Variants in PCDHGB6 observed in about 807,000 individuals in gnomAD.
The protein encoded by PCDHGB6 is protocadherin gamma-B6.
In PCDHGB6, 51 loss-of-function variants were observed where a neutral mutation model predicts 59.1. The ratio of observed to expected loss-of-function variants is 0.86; its 90% CI spans 0.69 to 1.09. The LOEUF is 1.09. PCDHGB6 is among the 50% of genes least tolerant of loss of function. The pLI, the probability that PCDHGB6 is intolerant of heterozygous loss-of-function variation, is 0.00. For missense variants in PCDHGB6, 1,148 were observed against 1,205.1 expected (o/e 0.95, Z 0.70); for synonymous variants, 466 against 495.1 (o/e 0.94, Z 0.78).
At chr5:141,463,738 G>A (rs1002263384) in intron 1 of PCDHGB6, among the ~76,000 whole-genome samples, 4 of 151,978 alleles carry the variant, frequency 2.6e-5, no homozygotes, top group Admixed American at 2.6e-4. Flanking sequence ...GAGCCACCGC[G>A]CCCGGCCTGC....
intron 1 of PCDHGB6, among the ~76,000 whole-genome samples, chr5:141,482,104 AAT>A (rs1452930297): frequency 2.7e-5 from 4 of 150,286 alleles, no homozygotes; most frequent in Non-Finnish European, 5.9e-5. Context: ...AAAAAAAAAA[AAT>A]ATCTAGAGAT....
intron 1 of PCDHGB6, among the ~76,000 whole-genome samples, chr5:141,462,361 T>C (rs1354253099): frequency 6.6e-6 from 1 of 152,282 alleles, no homozygotes; most frequent in Non-Finnish European, 1.5e-5. Flanking sequence ...ATACATTGTA[T>C]AGTTTCTATT....
chr5:141,410,485 A>C lies in PCDHGB6; in HGVS notation c.2283A>C (p.Thr761=), dbSNP rs1277289074. 6.2e-7 allele frequency: 1 copy of C among 1,613,898 alleles called. No homozygotes were observed. The highest frequency in any genetic ancestry group is 1.7e-5 in the Admixed American group (1 of 60,010). Residue 761 remains threonine (T), a synonymous_variant, in exon 1 of 4, where the codon ACA becomes ACC. Coordinates refer to ENST00000520790, the MANE Select transcript of PCDHGB6 (RefSeq NM_018926.3). ...SYNLCIAHTG[T]KEFNFLKCSV... Reference sequence around the variant, plus strand: ...ATCTGTGCATTGCACATACGGGTACAAAAGAGTTTAATTTCCTAAAATGCA... The same window carrying C: ...ATCTGTGCATTGCACATACGGGTACCAAAGAGTTTAATTTCCTAAAATGCA...
At chr5:141,498,530 A>G (rs1275299749) in intron 2 of PCDHGB6, among the ~76,000 whole-genome samples, 1 of 149,364 alleles carries the variant, frequency 6.7e-6, no homozygotes, top group Non-Finnish European at 1.5e-5. Flanking sequence ...ACTGCCCTCC[A>G]GCCTGGTCTG....
At chr5:141,470,016 C>G (rs116065751) in intron 1 of PCDHGB6, among the ~76,000 whole-genome samples, 1 of 152,146 alleles carries the variant, frequency 6.6e-6, no homozygotes, top group Non-Finnish European at 1.5e-5. Context: ...GTAATCCCAG[C>G]TACTCGGGAT....
At chr5:141,509,015 C>G (rs1370464396) in intron 3 of PCDHGB6, among the ~76,000 whole-genome samples, 2 of 152,098 alleles carry the variant, frequency 1.3e-5, no homozygotes, top group African/African-American at 4.8e-5. Context: ...AAGTGGGCAG[C>G]TGCTCCCTCC....
rs752155536 is a variant in PCDHGB6, at chr5:141,477,181, C to T, written c.2419-17626C>T. The T allele has an allele frequency of 2.5e-6, 4 of 1,614,182 alleles. No individual in the cohort carries two copies. In the Admixed American group the frequency reaches 6.7e-5, roughly 27 times the overall value. ...ACAACGCCCCGGAGATCACAGTCACCTCCGTGTACAGCCCAGTACCCGAGG... is the reference window on the plus strand; with the variant it reads ...ACAACGCCCCGGAGATCACAGTCACTTCCGTGTACAGCCCAGTACCCGAGG... On this transcript the variant is annotated intron_variant, in intron 1 of 3. Transcript: ENST00000520790. This position sits in a 1 kb window ranked among gnomAD's most constrained non-coding sequence, Gnocchi z 4.9.
At chr5:141,455,225 C>CA (rs2098817003) in intron 1 of PCDHGB6, among the ~76,000 whole-genome samples, 2 of 151,666 alleles carry the variant, frequency 1.3e-5, no homozygotes, top group South Asian at 2.1e-4. Context: ...AATGCTTTGA[C>CA]AAAAAATGTT....
intron 2 of PCDHGB6, among the ~76,000 whole-genome samples, chr5:141,502,576 T>C (rs1226513508): frequency 6.6e-6 from 1 of 152,168 alleles, no homozygotes; most frequent in African/African-American, 2.4e-5. Flanking sequence ...ATTATAAAAA[T>C]ATATTTTTAT....
intron 3 of PCDHGB6, 110 bp downstream of exon 3, chr5:141,505,591 G>A (rs2099846959): frequency 6.4e-7 from 1 of 1,570,162 alleles, no homozygotes; most frequent in Non-Finnish European, 8.7e-7. Context: ...AGTTTCTCCA[G>A]ATCTTTCGGC....
At chr5:141,482,755 T>TGAAGTGGGAG (rs1554165462) in intron 1 of PCDHGB6, among the ~76,000 whole-genome samples, 1 of 143,580 alleles carries the variant, frequency 7.0e-6, no homozygotes, top group South Asian at 2.1e-4. Context: ...GGGATTATGG[T>TGAAGTGGGAG]ATTTCATTAT....
At chr5:141,449,588 CA>C (rs768743917) in intron 1 of PCDHGB6, among the ~76,000 whole-genome samples, 1,277 of 57,494 alleles carry the variant, frequency 0.022, 7 homozygotes, top group Middle Eastern at 0.041. Flanking sequence ...GACTCTGTCT[CA>C]AAAAAAAAAA....
intron 1 of PCDHGB6, among the ~76,000 whole-genome samples, chr5:141,434,490 G>A (rs566645029): frequency 2.5e-4 from 38 of 152,274 alleles, no homozygotes; most frequent in Non-Finnish European, 4.9e-4. Flanking sequence ...CACCTGGCCC[G>A]CCCAGGGCAG....
At position 141,511,399 on chromosome 5, in the gene PCDHGB6, A is replaced by C; in HGVS notation, c.*226A>C. 1.0e-6 allele frequency: 1 copy of C among 987,714 alleles called. No homozygotes were observed. The highest frequency in any genetic ancestry group is 1.4e-6 in the Non-Finnish European group (1 of 693,342). The allele number at this position is 987,714 out of a possible 1,614,324, so 61.2% of individuals were successfully genotyped here. ...CAGTTCCGCTGGGAACCCCCATCCA[A>C]TCAACTGCTGTACCCATGGGGGTAG... On this transcript the variant is annotated 3_prime_UTR_variant, in exon 4 of 4. Transcript: ENST00000520790.
chr5:141,501,290 T>TACACATAC (rs1224133816), intron 2 of PCDHGB6, among the ~76,000 whole-genome samples: 1,510 of 136,196 alleles, frequency 0.011, 8 homozygotes, highest in Admixed American at 0.014. Flanking sequence ...TATTCCCTTA[T>TACACATAC]ACACACACAC....
At chr5:141,471,444 A>G (rs1366430114) in intron 1 of PCDHGB6, 1 of 152,150 alleles carries the variant, frequency 6.6e-6, no homozygotes, top group Non-Finnish European at 1.5e-5. Context: ...AATCTCATGT[A>G]CCTTTTGAAA....
In PCDHGB6 at chr5:141,431,932, C is replaced by A; in HGVS notation, c.2418+21312C>A. 1 of 1,614,172 alleles carries A rather than the reference C, an allele frequency of 6.2e-7. No homozygotes were observed. Among genetic ancestry groups the A allele is most frequent in the Non-Finnish European group, 8.5e-7 (1 of 1,180,002 alleles). The stretch of plus-strand genomic sequence containing the variant: ...TCTGTTTCATCCAAGGAAATCTGCC[C>A]TTTAAATTAGAAAAATCTTACGGAA... On this transcript the variant is annotated intron_variant, in intron 1 of 3. Transcript: ENST00000520790. The surrounding 1 kb of genome is among the most constrained non-coding windows in gnomAD (Gnocchi z 4.8).
intron 1 of PCDHGB6, among the ~76,000 whole-genome samples, chr5:141,480,187 T>TGAGGCCAGCAGTTC (rs2099513839): frequency 6.6e-6 from 1 of 151,380 alleles, no homozygotes; most frequent in Admixed American, 6.6e-5. Context: ...GCGGATTGCT[T>TGAGGCCAGCAGTTC]GAGGCCAGCA....
chr5:141,414,862 G>A (rs763491057), intron 1 of PCDHGB6: 1 of 1,614,226 alleles, frequency 6.2e-7, no homozygotes, highest in Non-Finnish European at 8.5e-7. Context: ...GAACGACAAT[G>A]CGCCCGAGAT....
Sources: allele counts gnomAD v4.1 joint callset (sites outside exome capture counted in the v4.1 genomes callset), GRCh38; gene constraint gnomAD v4.1.1; non-coding constraint Gnocchi (gnomAD v3.1); transcripts MANE v1.5; gene names NCBI Gene and HGNC (gene_info 2026-07-23, HGNC 2026-07-21).